Variants in CSNK1G1 observed in about 807,000 individuals in gnomAD.
CSNK1G1 encodes the protein casein kinase 1 gamma 1, also known as casein kinase I isoform gamma-1.
In CSNK1G1, 22 loss-of-function variants were observed where a neutral mutation model predicts 59.6. The observed-to-expected ratio is 0.37, with a 90% CI of 0.26 to 0.53. The LOEUF (loss-of-function observed/expected upper bound fraction) is 0.53. CSNK1G1 is among the 20% of genes least tolerant of loss of function. The probability of loss-of-function intolerance (pLI) is 0.89; values close to 1 mark genes in which losing one functional copy is unlikely to be tolerated. For missense variants in CSNK1G1, 384 were observed against 519.5 expected, an observed-to-expected ratio of 0.74 and a Z score of 2.54; for synonymous variants, 179 against 177.1, an observed-to-expected ratio of 1.01 and a Z score of -0.08.
At chr15:64,338,347 A>C (rs1566953036) in intron 1 of CSNK1G1, among the ~76,000 whole-genome samples, 2 of 152,204 alleles carry the variant, frequency 1.3e-5, no homozygotes, top group South Asian at 2.1e-4. Context: ...ACTTCTATAG[A>C]TGTGCAAGAA....
At chr15:64,234,661 C>G (rs1005350576) in intron 4 of CSNK1G1, among the ~76,000 whole-genome samples, 8 of 152,162 alleles carry the variant, frequency 5.3e-5, no homozygotes, top group African/African-American at 2.4e-5. Context: ...AAATGGCTTG[C>G]TATTTAGCAA....
chr15:64,269,662 T>C (rs763701045), intron 2 of CSNK1G1, among the ~76,000 whole-genome samples: 1 of 151,566 alleles, frequency 6.6e-6, no homozygotes, highest in Non-Finnish European at 1.5e-5. Flanking sequence ...TCCAGCTAAT[T>C]TTTGTATTTT....
chr15:64,249,169 T>G (rs2140315609), intron 4 of CSNK1G1, among the ~76,000 whole-genome samples: 1 of 152,256 alleles, frequency 6.6e-6, no homozygotes, highest in Admixed American at 6.5e-5. Flanking sequence ...TTGGGCCTAA[T>G]ATGAAGAACT....
intron 2 of CSNK1G1, among the ~76,000 whole-genome samples, chr15:64,275,479 T>C (rs1893557779): frequency 1.3e-5 from 2 of 152,196 alleles, no homozygotes; most frequent in Admixed American, 1.3e-4. Context: ...CAGAAACATT[T>C]CCCAAATGAT....
chr15:64,279,986 C>A (rs1050158378), intron 2 of CSNK1G1, among the ~76,000 whole-genome samples: 254 of 146,068 alleles, frequency 1.7e-3, no homozygotes, highest in African/African-American at 4.5e-3. Context: ...AAAAAAAAAA[C>A]AAAACAGAAA....
At chr15:64,198,525 T>C (rs1416692454) in intron 10 of CSNK1G1, among the ~76,000 whole-genome samples, 2 of 152,090 alleles carry the variant, frequency 1.3e-5, no homozygotes, top group African/African-American at 4.8e-5. Flanking sequence ...CAGTTTCACA[T>C]AGCAGGTCCT....
intron 6 of CSNK1G1, among the ~76,000 whole-genome samples, chr15:64,211,647 C>T (rs2082250960): frequency 6.6e-6 from 1 of 152,200 alleles, no homozygotes; most frequent in African/African-American, 2.4e-5. Flanking sequence ...AAACATTTTA[C>T]ATACATTATC....
chr15:64,213,161 C>T (rs1288522871), intron 6 of CSNK1G1, among the ~76,000 whole-genome samples: 4 of 151,968 alleles, frequency 2.6e-5, no homozygotes, highest in Non-Finnish European at 5.9e-5. Flanking sequence ...TTTTTTCAAT[C>T]ACCTAGGAGT....
chr15:64,300,404 T>G lies in CSNK1G1; in HGVS notation c.96A>C (p.Ser32=). Residue 32 remains serine, a synonymous_variant, in exon 2 of 12, where the codon TCA becomes TCC. Transcript: ENST00000303052. ...CCACCATAAGAACCCCAGAGGACGA[T>G]GAGGAGCCAGATGGTCGAGAGCAGT... ...SAHCSRPSGS[S]SSSGVLMVGP... 6.2e-7 allele frequency: 1 copy of G among 1,614,040 alleles called. No homozygotes were observed. The highest frequency in any genetic ancestry group is 8.5e-7 in the Non-Finnish European group (1 of 1,179,912).
chr15:64,199,468 T>C (rs1234368753), intron 10 of CSNK1G1, among the ~76,000 whole-genome samples: 2 of 152,170 alleles, frequency 1.3e-5, no homozygotes, highest in African/African-American at 4.8e-5. Context: ...AAGTTTTCAA[T>C]CATCTCTTTT....
intron 1 of CSNK1G1, among the ~76,000 whole-genome samples, chr15:64,334,962 G>A (rs1235060090): frequency 6.6e-6 from 1 of 152,136 alleles, no homozygotes; most frequent in Non-Finnish European, 1.5e-5. Context: ...AGTAAGCTTA[G>A]AGACCACAAT....
intron 2 of CSNK1G1, among the ~76,000 whole-genome samples, chr15:64,278,613 G>C (rs1259657247): frequency 6.6e-6 from 1 of 151,958 alleles, no homozygotes; most frequent in Non-Finnish European, 1.5e-5. Context: ...ATTTTTAGTA[G>C]AGACAGGGTT....
At chr15:64,345,933 G>A (rs147953648) in intron 1 of CSNK1G1, among the ~76,000 whole-genome samples, 1,884 of 152,232 alleles carry the variant, frequency 0.012, 23 homozygotes, top group Non-Finnish European at 0.019. Context: ...TAGGACTACA[G>A]GCATGCGCCA....
intron 1 of CSNK1G1, among the ~76,000 whole-genome samples, chr15:64,304,936 T>C (rs1424023937): frequency 1.3e-5 from 2 of 152,194 alleles, no homozygotes; most frequent in African/African-American, 2.4e-5. Context: ...CCACCACACA[T>C]TGCTTTTGGT....
intron 10 of CSNK1G1, among the ~76,000 whole-genome samples, chr15:64,189,811 TTTAC>T (rs1269879308): frequency 4.9e-4 from 72 of 148,182 alleles, no homozygotes; most frequent in African/African-American, 1.7e-3. Context: ...CCAGCTACAA[TTTAC>T]TTTTTTTTTT....
rs958217568 is a variant in CSNK1G1, at chr15:64,181,139, G to A, written c.1108-685C>T. 7 of 1,468,858 alleles carry A rather than the reference G, an allele frequency of 4.8e-6. No individual in the cohort carries two copies. The African/African-American group carries it at 5.7e-5, about 12-fold the overall frequency. The allele number at this position is 1,468,858 out of a possible 1,614,324, so 91.0% of individuals were successfully genotyped here. The stretch of plus-strand genomic sequence containing the variant: ...AAGATTGTCACATCCTCTCCGACAA[G>A]AGGGAAGATGGTAAAAAAACACTCT... On this transcript the variant is annotated intron_variant, in intron 10 of 11. Coordinates refer to ENST00000303052, the MANE Select transcript of CSNK1G1 (RefSeq NM_022048.5).
chr15:64,316,672 G>A (rs1337000176), intron 1 of CSNK1G1, among the ~76,000 whole-genome samples: 1 of 152,032 alleles, frequency 6.6e-6, no homozygotes, highest in Non-Finnish European at 1.5e-5. Context: ...CTAAAAGGCA[G>A]AAATGAAATT....
chr15:64,261,608 A>G (rs1892693673), intron 2 of CSNK1G1, among the ~76,000 whole-genome samples: 1 of 151,956 alleles, frequency 6.6e-6, no homozygotes, highest in South Asian at 2.1e-4. Context: ...TCTCAAAAAC[A>G]ACAACAACAA....
At chr15:64,178,750 G>A (rs1433162245) in intron 11 of CSNK1G1, among the ~76,000 whole-genome samples, 1 of 151,942 alleles carries the variant, frequency 6.6e-6, no homozygotes, top group Non-Finnish European at 1.5e-5. Flanking sequence ...AAAGTGCTGG[G>A]ATTACACGTG....
Sources: allele counts gnomAD v4.1 joint callset (sites outside exome capture counted in the v4.1 genomes callset), GRCh38; gene constraint gnomAD v4.1.1; transcripts MANE v1.5; gene names NCBI Gene and HGNC (gene_info 2026-07-23, HGNC 2026-07-21).